Variants in SPECC1 observed in about 807,000 individuals in gnomAD.
The protein encoded by SPECC1 is cytospin-B.
A neutral mutation model predicts 104.1 loss-of-function variants in SPECC1; 62 were observed. That is an observed-to-expected ratio of 0.60 (90% confidence interval 0.49 to 0.74). The LOEUF (loss-of-function observed/expected upper bound fraction) is 0.74. Ranked by LOEUF, SPECC1 falls within the 30% of genes least tolerant of loss-of-function variation. The pLI, the probability that SPECC1 is intolerant of heterozygous loss-of-function variation, is 0.00. For synonymous variants in SPECC1, 513 were observed against 501.6 expected (o/e 1.02, Z -0.30); for missense variants, 1,306 against 1,310.5 (o/e 1.00, Z 0.05).
At chr17:20,263,043 A>G (rs1301353149) in intron 12 of SPECC1, among the ~76,000 whole-genome samples, 1 of 151,650 alleles carries the variant, frequency 6.6e-6, no homozygotes, top group African/African-American at 2.4e-5. Flanking sequence ...AGAGGCTCCC[A>G]AAGTATAAAC....
At chr17:20,293,960 C>T (rs765009204) in intron 12 of SPECC1, among the ~76,000 whole-genome samples, 10 of 152,036 alleles carry the variant, frequency 6.6e-5, no homozygotes, top group African/African-American at 1.2e-4. Context: ...GCCACCATCT[C>T]GATGGGCAGG....
chr17:20,140,989 GAAC>G (rs770355085), intron 3 of SPECC1, among the ~76,000 whole-genome samples: 5 of 152,178 alleles, frequency 3.3e-5, no homozygotes, highest in Non-Finnish European at 7.3e-5. Flanking sequence ...TCACTCTGGT[GAAC>G]AACGACGGGG....
At chr17:20,263,384 G>A (rs923469581) in intron 12 of SPECC1, among the ~76,000 whole-genome samples, 10 of 141,108 alleles carry the variant, frequency 7.1e-5, no homozygotes, top group African/African-American at 2.6e-4. Context: ...TGGGGGGAGG[G>A]GGGAAGGATA....
In SPECC1 at chr17:20,125,474, A is replaced by G. The variant is rs148832827; in HGVS notation, c.283+14912A>G. Among the ~76,000 whole-genome samples the G allele has an allele frequency of 9.2e-5, 14 of 152,314 alleles. No homozygotes were observed. In the East Asian group the frequency reaches 2.3e-3, roughly 25 times the overall value. ...ATTTTTAAGCATGTAATTCAGGGGC[A>G]ATGCTGCATAGCAGGTCCCTCAAGC... On this transcript the variant is annotated intron_variant, in intron 3 of 14. Transcript: ENST00000395527.
chr17:20,204,476 C>G lies in SPECC1; in HGVS notation c.427C>G (p.Pro143Ala). The G allele has an allele frequency of 1.9e-6, 3 of 1,614,096 alleles. No individual in the cohort carries two copies. Among genetic ancestry groups the G allele is most frequent in the African/African-American group, 1.3e-5 (1 of 75,006 alleles). The change falls in exon 4 of 15, where the codon CCT becomes GCT. Residue 143 changes from proline to alanine, a missense_variant. Transcript: ENST00000395527. ...SSPTSSNTPT[P>A]TKHLRTPSTK... ...TCCAACTTCTTCCAACACTCCCACT[C>G]CTACGAAACACCTGAGGACCCCTTC...
chr17:20,073,964 G>A (rs2152484259), intron 1 of SPECC1, among the ~76,000 whole-genome samples: 1 of 152,292 alleles, frequency 6.6e-6, no homozygotes, highest in Non-Finnish European at 1.5e-5. Context: ...GTTTTATCTT[G>A]CAAGGAAAGG....
intron 3 of SPECC1, among the ~76,000 whole-genome samples, chr17:20,142,827 C>A (rs1347574402): frequency 1.1e-4 from 15 of 142,336 alleles, no homozygotes; most frequent in Non-Finnish European, 7.6e-5. Context: ...CTATCTTTAC[C>A]AAAAAAAAAA....
chr17:20,317,259 A>ATTTTTTTTTTTTTTT lies in SPECC1; in HGVS notation c.*3201_*3215dup, dbSNP rs762643888. On this transcript the variant is annotated 3_prime_UTR_variant, in exon 15 of 15. Transcript: ENST00000395527. Reference sequence around the variant, plus strand: ...GCAAGACCTCTGACTCTATAAAAAAATTTTTTTTTTTTTTTTTTTTTGAGA... The same window carrying ATTTTTTTTTTTTTTT: ...GCAAGACCTCTGACTCTATAAAAAAATTTTTTTTTTTTTTTTTTTTTTTTTTTTTTTTTTTTGAGA... 0.025 allele frequency: 1,744 copies of ATTTTTTTTTTTTTTT among 69,522 alleles called. 305 individuals are homozygous for ATTTTTTTTTTTTTTT. Among genetic ancestry groups the ATTTTTTTTTTTTTTT allele is most frequent in the East Asian group, 0.15 (185 of 1,256 alleles). 4.3% of individuals were successfully genotyped at this position (69,522 alleles called of 1,614,324 possible).
chr17:20,114,680 AAGGAATCATTG>A (rs1243069614), intron 3 of SPECC1, among the ~76,000 whole-genome samples: 1 of 152,180 alleles, frequency 6.6e-6, no homozygotes, highest in African/African-American at 2.4e-5. Context: ...AACATGAGGC[AAGGAATCATTG>A]AAAACCACTT....
At chr17:20,094,330 G>C (rs1028021095) in intron 1 of SPECC1, among the ~76,000 whole-genome samples, 1 of 152,196 alleles carries the variant, frequency 6.6e-6, no homozygotes, top group Admixed American at 6.5e-5. Context: ...TGGAAAGGAG[G>C]CTGCGTGTTC....
At chr17:20,268,067 G>A (rs1277441345) in intron 12 of SPECC1, among the ~76,000 whole-genome samples, 1 of 152,022 alleles carries the variant, frequency 6.6e-6, no homozygotes, top group Non-Finnish European at 1.5e-5. Context: ...AATATATACC[G>A]GTATTTACTG....
At chr17:20,066,252 C>T (rs1382481896) in intron 1 of SPECC1, among the ~76,000 whole-genome samples, 2 of 152,218 alleles carry the variant, frequency 1.3e-5, no homozygotes, top group Non-Finnish European at 2.9e-5. Flanking sequence ...ATTAGCCAAA[C>T]ATCTGTTTGA....
In SPECC1 at chr17:20,288,730, T is replaced by C. The variant is rs191888741; in HGVS notation, c.2941-8231T>C. 8.1e-3 allele frequency among the ~76,000 whole-genome samples: 1,213 copies of C among 150,286 alleles called. 19 individuals carry two copies. Among genetic ancestry groups the C allele is most frequent in the African/African-American group, 0.028 (1,157 of 41,068 alleles). On this transcript the variant is annotated intron_variant, in intron 12 of 14. Transcript: ENST00000395527. ...AATTGGACTTACAGTTTCACATTGC[T>C]GGGGAGGCCTCAGAATCATGGCAGG...
intron 12 of SPECC1, among the ~76,000 whole-genome samples, chr17:20,282,370 G>A (rs760846559): frequency 3.3e-5 from 5 of 152,182 alleles, no homozygotes; most frequent in African/African-American, 4.8e-5. Context: ...CCAGCTCACC[G>A]TGGCCGCTGT....
In SPECC1 at chr17:20,315,677, G is replaced by A. The variant is rs920752559; in HGVS notation, c.*1612G>A. On this transcript the variant is annotated 3_prime_UTR_variant, in exon 15 of 15. Transcript: ENST00000395527. ...CCAGGTTCTAGAGGCTGCAGGTCCAGCCCCTTACCATTCCTGGAGAGGTAG... is the reference window on the plus strand; with the variant it reads ...CCAGGTTCTAGAGGCTGCAGGTCCAACCCCTTACCATTCCTGGAGAGGTAG... The A allele has an allele frequency of 4.3e-6, 1 of 232,206 alleles. No individual in the cohort carries two copies. The highest frequency in any genetic ancestry group is 2.2e-5 in the African/African-American group (1 of 45,252). 14.4% of individuals were successfully genotyped at this position (232,206 alleles called of 1,614,324 possible). A position where few individuals can be genotyped will look rare whatever the true frequency, so the allele number is the denominator to read the frequency against.
chr17:20,296,189 AT>A (rs1183756263), intron 12 of SPECC1, among the ~76,000 whole-genome samples: 1 of 152,144 alleles, frequency 6.6e-6, no homozygotes, highest in Non-Finnish European at 1.5e-5. Context: ...TCTTGAATTA[AT>A]TTTTGTCTAA....
chr17:20,307,147 A>C (rs2041791286), intron 14 of SPECC1, among the ~76,000 whole-genome samples: 1 of 152,240 alleles, frequency 6.6e-6, no homozygotes, highest in Non-Finnish European at 1.5e-5. Context: ...ATCACCCAAA[A>C]TATAAAAGAG....
chr17:20,276,783 A>T (rs72832506), intron 12 of SPECC1, among the ~76,000 whole-genome samples: 8,013 of 152,342 alleles, frequency 0.053, 288 homozygotes, highest in Non-Finnish European at 0.079. Flanking sequence ...AACACATTTT[A>T]AAAAATGCAG....
chr17:20,043,629 T>C (rs2152455437), intron 1 of SPECC1, among the ~76,000 whole-genome samples: 1 of 152,302 alleles, frequency 6.6e-6, no homozygotes, highest in Middle Eastern at 3.4e-3. Context: ...ACTCTGTTAA[T>C]CTTTGGGCAG....
Sources: allele counts gnomAD v4.1 joint callset (sites outside exome capture counted in the v4.1 genomes callset), GRCh38; gene constraint gnomAD v4.1.1; transcripts MANE v1.5; gene names NCBI Gene and HGNC (gene_info 2026-07-23, HGNC 2026-07-21).